Variants in CSMD3 observed in about 807,000 individuals in gnomAD.
The protein encoded by CSMD3 is CUB and Sushi multiple domains 3.
CSMD3 carries 177 observed loss-of-function variants against 435.2 expected under a neutral mutation model. The ratio of observed to expected loss-of-function variants is 0.41; its 90% CI spans 0.36 to 0.46. The LOEUF (loss-of-function observed/expected upper bound fraction) is 0.46, where lower values mean the gene tolerates loss of function less well. Among genes scored for constraint, CSMD3 ranks in the 20% least tolerant of loss-of-function variants. CSMD3 has a pLI of 0.34. For synonymous variants in CSMD3, 1,656 were observed against 1,520.5 expected (o/e 1.09, Z -2.07); for missense variants, 4,265 against 4,504.6 (o/e 0.95, Z 1.52).
chr8:112,885,552 C>T (rs1054717457), intron 10 of CSMD3, among the ~76,000 whole-genome samples: 1 of 151,678 alleles, frequency 6.6e-6, no homozygotes, highest in Non-Finnish European at 1.5e-5. Flanking sequence ...CTCCTGACTT[C>T]ATGTTCTTTT....
At chr8:112,546,518 C>A (rs562791305) in intron 27 of CSMD3, among the ~76,000 whole-genome samples, 2 of 152,204 alleles carry the variant, frequency 1.3e-5, no homozygotes, top group Admixed American at 6.5e-5. Context: ...CGGGCCTCAG[C>A]ATTTTGTATT....
intron 4 of CSMD3, among the ~76,000 whole-genome samples, chr8:113,121,021 T>G (rs1370067162): frequency 6.6e-6 from 1 of 152,144 alleles, no homozygotes; most frequent in African/African-American, 2.4e-5. Context: ...GTCAGTGAAG[T>G]GAAGCTGCAC....
At chr8:112,528,282 G>C (rs988350289) in intron 27 of CSMD3, among the ~76,000 whole-genome samples, 3 of 151,790 alleles carry the variant, frequency 2.0e-5, no homozygotes, top group African/African-American at 7.3e-5. Context: ...CTTAAAGATT[G>C]TAGGCAATTT....
intron 5 of CSMD3, among the ~76,000 whole-genome samples, chr8:113,090,288 CT>C (rs2089959035): frequency 6.6e-6 from 1 of 151,684 alleles, no homozygotes; most frequent in African/African-American, 2.4e-5. Flanking sequence ...AAAGTAATGC[CT>C]AAATCAAGAA....
chr8:112,690,158 A>G (rs982212572), intron 13 of CSMD3, 108 bp from the exon 14 acceptor site: 21 of 830,306 alleles, frequency 2.5e-5, no homozygotes, highest in East Asian at 2.5e-4. Flanking sequence ...ATTTCAGAAC[A>G]AAAAATAAAT....
At chr8:112,494,499 CTTT>C (rs1821074200) in intron 30 of CSMD3, among the ~76,000 whole-genome samples, 3 of 17,110 alleles carry the variant, frequency 1.8e-4, no homozygotes, top group Non-Finnish European at 5.1e-4. Context: ...TCTCTCCTTT[CTTT>C]CTTTCTTTCT....
At chr8:112,364,849 A>C (rs1222946115) in intron 38 of CSMD3, among the ~76,000 whole-genome samples, 1 of 152,062 alleles carries the variant, frequency 6.6e-6, no homozygotes, top group Non-Finnish European at 1.5e-5. Context: ...CAGAAAGCAA[A>C]AATTGTCAGT....
intron 5 of CSMD3, among the ~76,000 whole-genome samples, chr8:113,033,229 A>T (rs904984649): frequency 6.6e-6 from 1 of 151,640 alleles, no homozygotes; most frequent in Non-Finnish European, 1.5e-5. Context: ...GACCCCAGAA[A>T]GGTAGATCTA....
intron 32 of CSMD3, among the ~76,000 whole-genome samples, chr8:112,455,480 C>T (rs1816736893): frequency 6.6e-6 from 1 of 152,050 alleles, no homozygotes; most frequent in Non-Finnish European, 1.5e-5. Context: ...ACCTGGCTGA[C>T]AGGGTTATTT....
chr8:113,399,078 C>CAT (rs764141337), intron 1 of CSMD3, among the ~76,000 whole-genome samples: 1,352 of 90,778 alleles, frequency 0.015, 25 homozygotes, highest in Middle Eastern at 0.019. Context: ...AAGGATAGTT[C>CAT]ATATATATAT....
intron 1 of CSMD3, among the ~76,000 whole-genome samples, chr8:113,365,619 A>C (rs1289022171): frequency 1.3e-5 from 2 of 152,086 alleles, no homozygotes; most frequent in East Asian, 3.9e-4. Context: ...TAAATCATAG[A>C]CGTTGGCTGA....
At chr8:112,587,043 C>T (rs1830789025) in intron 23 of CSMD3, 23 bp downstream of exon 23, 1 of 1,566,602 alleles carries the variant, frequency 6.4e-7, no homozygotes. Flanking sequence ...GAACAATATA[C>T]AAGTATGTCT....
At chr8:113,120,845 G>T (rs878898129) in intron 4 of CSMD3, among the ~76,000 whole-genome samples, 3 of 151,950 alleles carry the variant, frequency 2.0e-5, no homozygotes, top group Admixed American at 2.0e-4. Flanking sequence ...CAGCCTTTTT[G>T]GATAATATTT....
intron 27 of CSMD3, among the ~76,000 whole-genome samples, chr8:112,517,589 G>A (rs1823814018): frequency 6.6e-6 from 1 of 151,856 alleles, no homozygotes; most frequent in Non-Finnish European, 1.5e-5. Context: ...AAGAAAATTA[G>A]CAATCAATCC....
chr8:113,358,936 A>T (rs1016720991), intron 1 of CSMD3, among the ~76,000 whole-genome samples: 1 of 152,178 alleles, frequency 6.6e-6, no homozygotes, highest in African/African-American at 2.4e-5. Flanking sequence ...ATTTTGTGCC[A>T]CATAGCAAAA....
At chr8:112,951,131 A>G (rs183094138) in intron 8 of CSMD3, among the ~76,000 whole-genome samples, 1 of 151,960 alleles carries the variant, frequency 6.6e-6, no homozygotes, top group East Asian at 1.9e-4. Context: ...TCTATCTTTC[A>G]TTTCTTTTGA....
At chr8:113,327,152 T>G (rs1228621395) in intron 1 of CSMD3, among the ~76,000 whole-genome samples, 2 of 152,178 alleles carry the variant, frequency 1.3e-5, no homozygotes, top group African/African-American at 4.8e-5. Context: ...TTCTGTGATT[T>G]TCTTTATTTT....
chr8:113,206,410 T>C (rs151070690), intron 3 of CSMD3, among the ~76,000 whole-genome samples: 1 of 152,274 alleles, frequency 6.6e-6, no homozygotes, highest in Admixed American at 6.5e-5. Flanking sequence ...AGTGAAACAA[T>C]GTTACCTTAT....
chr8:112,715,218 C>T (rs2076698026), intron 13 of CSMD3, among the ~76,000 whole-genome samples: 1 of 152,018 alleles, frequency 6.6e-6, no homozygotes, highest in Admixed American at 6.6e-5. Context: ...CAAATAGACA[C>T]AATAAAAAAT....
Sources: gnomAD v4.1 joint callset for allele counts (sites outside exome capture counted in the v4.1 genomes callset) on GRCh38, gnomAD v4.1.1 for gene constraint, MANE v1.5 for transcripts, NCBI Gene and HGNC (gene_info 2026-07-23, HGNC 2026-07-21) for gene names.